Variants in CNTN4 observed in about 807,000 individuals in gnomAD.
The protein encoded by CNTN4 is contactin-4.
Under a neutral mutation model 122.5 loss-of-function variants are expected in CNTN4, and 77 were observed. That is an observed-to-expected ratio of 0.63 (90% confidence interval 0.52 to 0.76). CNTN4 has a LOEUF of 0.76. CNTN4 is among the 30% of genes least tolerant of loss of function. CNTN4 has a pLI of 0.00. For missense variants in CNTN4, 1,256 were observed against 1,259.1 expected, an observed-to-expected ratio of 1.00 and a Z score of 0.04; for synonymous variants, 512 against 447.0, an observed-to-expected ratio of 1.15 and a Z score of -1.83.
rs559096919 is a variant in CNTN4 at position 2,659,740 on chromosome 3, G to A, written c.56-76475G>A. Among the ~76,000 whole-genome samples, 5 of 152,202 alleles carry A rather than the reference G, an allele frequency of 3.3e-5. No homozygotes were observed. The South Asian group carries it at 1.0e-3, about 32-fold the overall frequency. ...TTTCATTTGTTATGCTTTACAATTT[G>A]TCATAATATCTGGTATATTTGATAT... On this transcript the variant is annotated intron_variant, in intron 4 of 24. Coordinates refer to ENST00000418658, the MANE Select transcript of CNTN4 (RefSeq NM_175607.3).
intron 13 of CNTN4, among the ~76,000 whole-genome samples, chr3:2,966,173 G>C (rs1692288517): frequency 2.0e-5 from 3 of 152,114 alleles, no homozygotes; most frequent in South Asian, 4.1e-4. Context: ...AAACCAGCTA[G>C]TATCAAATTT....
At chr3:2,313,941 A>G (rs977966588) in intron 2 of CNTN4, among the ~76,000 whole-genome samples, 9 of 152,026 alleles carry the variant, frequency 5.9e-5, no homozygotes, top group Non-Finnish European at 1.0e-4. Context: ...ATATAAAGTT[A>G]TTTCTGCCTA....
intron 3 of CNTN4, among the ~76,000 whole-genome samples, chr3:2,359,592 T>G (rs951386307): frequency 1.4e-4 from 21 of 152,126 alleles, no homozygotes; most frequent in Admixed American, 6.6e-4. Flanking sequence ...CAGGCTGGAG[T>G]GCAGTGGCAG....
chr3:2,185,421 G>T (rs561467117), intron 2 of CNTN4, among the ~76,000 whole-genome samples: 1 of 151,926 alleles, frequency 6.6e-6, no homozygotes, highest in Non-Finnish European at 1.5e-5. Flanking sequence ...TTTTCACTTG[G>T]CTCTAAATTA....
intron 3 of CNTN4, among the ~76,000 whole-genome samples, chr3:2,339,473 G>A (rs1365091893): frequency 1.3e-5 from 2 of 152,176 alleles, no homozygotes; most frequent in African/African-American, 2.4e-5. Context: ...TAGGTTTTCT[G>A]TAGTTTAGAT....
At chr3:2,851,361 C>G (rs1018595270) in intron 7 of CNTN4, among the ~76,000 whole-genome samples, 2 of 152,212 alleles carry the variant, frequency 1.3e-5, no homozygotes, top group African/African-American at 4.8e-5. Context: ...AACCACTACT[C>G]ATTTATGCAG....
intron 2 of CNTN4, among the ~76,000 whole-genome samples, chr3:2,230,242 AT>A (rs548907606): frequency 3.2e-4 from 48 of 152,288 alleles, no homozygotes; most frequent in Admixed American, 8.5e-4. Flanking sequence ...TCCAAATGTG[AT>A]TTGTTTAGAT....
chr3:2,398,980 G>A (rs909110553), intron 3 of CNTN4, among the ~76,000 whole-genome samples: 4 of 152,232 alleles, frequency 2.6e-5, no homozygotes, highest in Admixed American at 6.5e-5. Context: ...ATCAAAGGTA[G>A]TAGGTTTAAA....
At chr3:2,250,778 G>A (rs1575172942) in intron 2 of CNTN4, among the ~76,000 whole-genome samples, 1 of 151,828 alleles carries the variant, frequency 6.6e-6, no homozygotes, top group Admixed American at 6.6e-5. Flanking sequence ...AATCTTAACA[G>A]TCCTGAGTGA....
Position 2,540,293 on chromosome 3 carries a change from G to T in CNTN4, c.-88-31123G>T, listed in dbSNP as rs182203413. Among the ~76,000 whole-genome samples, 443 of 152,082 alleles carry T rather than the reference G, an allele frequency of 2.9e-3. 8 individuals are homozygous for T. The highest frequency in any genetic ancestry group is 8.1e-4 in the Non-Finnish European group (55 of 67,980). On this transcript the variant is annotated intron_variant, in intron 3 of 24. Transcript: ENST00000418658. ...AATGGTAACAGGCACCCAAGGTTTG[G>T]TTACGTGGGATTGCATCATGTTGCT...
chr3:2,226,296 A>G (rs774800678), intron 2 of CNTN4, among the ~76,000 whole-genome samples: 1 of 152,176 alleles, frequency 6.6e-6, no homozygotes, highest in Non-Finnish European at 1.5e-5. Context: ...CGTAGTTAGC[A>G]AAGTAGTATG....
At chr3:2,772,630 G>A (rs778490762) in intron 6 of CNTN4, among the ~76,000 whole-genome samples, 2 of 152,080 alleles carry the variant, frequency 1.3e-5, no homozygotes, top group African/African-American at 4.8e-5. Context: ...AATTTTGCCA[G>A]GACAATAAAT....
At chr3:2,634,465 T>A (rs1053209466) in intron 4 of CNTN4, among the ~76,000 whole-genome samples, 4 of 152,122 alleles carry the variant, frequency 2.6e-5, no homozygotes, top group African/African-American at 9.6e-5. Flanking sequence ...TTTTGAAAAA[T>A]TTGAAAAAAT....
intron 4 of CNTN4, among the ~76,000 whole-genome samples, chr3:2,637,757 C>T (rs532515082): frequency 1.3e-5 from 2 of 152,280 alleles, no homozygotes; most frequent in South Asian, 2.1e-4. Flanking sequence ...ATCTGCCTAA[C>T]CTCTGATGTC....
At chr3:2,659,367 C>T (rs1375924666) in intron 4 of CNTN4, among the ~76,000 whole-genome samples, 1 of 147,642 alleles carries the variant, frequency 6.8e-6, no homozygotes, top group Non-Finnish European at 1.5e-5. Context: ...GAGGCTGAGG[C>T]AGGAGAATCA....
Position 2,260,790 on chromosome 3 carries a change from T to C in CNTN4, c.-144-78388T>C, listed in dbSNP as rs1235276300. Among the ~76,000 whole-genome samples, 5 of 151,084 alleles carry C rather than the reference T, an allele frequency of 3.3e-5. No homozygotes were observed. The East Asian group carries it at 9.7e-4, about 29-fold the overall frequency. On this transcript the variant is annotated intron_variant, in intron 2 of 24. Transcript: ENST00000418658. ...TCATCCAGGCTGGAGTGCAGTGGTGTGATCTCGGCTCACTGTAACCTCTGC... is the reference window on the plus strand; with the variant it reads ...TCATCCAGGCTGGAGTGCAGTGGTGCGATCTCGGCTCACTGTAACCTCTGC...
chr3:2,741,379 A>T (rs940287066), intron 5 of CNTN4, among the ~76,000 whole-genome samples: 3 of 152,224 alleles, frequency 2.0e-5, no homozygotes, highest in Non-Finnish European at 2.9e-5. Context: ...TGGTTCTTTC[A>T]TCACATGGAT....
intron 3 of CNTN4, among the ~76,000 whole-genome samples, chr3:2,510,523 C>T (rs1457929935): frequency 5.9e-5 from 9 of 152,218 alleles, no homozygotes; most frequent in Admixed American, 3.9e-4. Flanking sequence ...AATGATCACA[C>T]GGGTGCCTTA....
chr3:2,683,370 A>C (rs1213771742), intron 4 of CNTN4, among the ~76,000 whole-genome samples: 1 of 151,884 alleles, frequency 6.6e-6, no homozygotes, highest in Non-Finnish European at 1.5e-5. Context: ...GGATAGTCTC[A>C]GCAGCTTTTA....
Sources: allele counts gnomAD v4.1 joint callset (sites outside exome capture counted in the v4.1 genomes callset), GRCh38; gene constraint gnomAD v4.1.1; transcripts MANE v1.5; gene names NCBI Gene and HGNC (gene_info 2026-07-23, HGNC 2026-07-21).